The following MBOAT7 variants were observed in gnomAD, a reference collection of about 807,000 sequenced individuals.
The protein encoded by MBOAT7 is membrane bound acylglycerophosphatidylinositol O-acyltransferase MBOAT7.
A neutral mutation model predicts 47.4 loss-of-function variants in MBOAT7; 40 were observed. That is an observed-to-expected ratio of 0.84 (90% CI 0.66 to 1.10). MBOAT7 has a LOEUF of 1.10. Among genes scored for constraint, MBOAT7 ranks in the 50% least tolerant of loss-of-function variants. The probability of loss-of-function intolerance (pLI) is 0.00; values close to 1 mark genes in which losing one functional copy is unlikely to be tolerated. For synonymous variants in MBOAT7, 361 were observed against 292.0 expected, an observed-to-expected ratio of 1.24 and a Z score of -2.41; for missense variants, 680 against 655.6, an observed-to-expected ratio of 1.04 and a Z score of -0.41.
At chr19:54,179,394 TG>T in intron 6 of MBOAT7, 1 of 178,628 alleles carries the variant, frequency 5.6e-6, no homozygotes, top group Non-Finnish European at 1.2e-5. Flanking sequence ...CAGGCGCCAG[TG>T]GGGTCCCCAT....
chr19:54,188,399 C>T (rs745472891), intron 2 of MBOAT7, 34 bp downstream of exon 2: 2 of 1,584,616 alleles, frequency 1.3e-6, no homozygotes, highest in South Asian at 2.3e-5. Context: ...GGTCCCCCCC[C>T]TTTATTTTCC....
At chr19:54,175,236 C>T (rs1015724305) in intron 7 of MBOAT7, among the ~76,000 whole-genome samples, 2 of 152,134 alleles carry the variant, frequency 1.3e-5, no homozygotes, top group Non-Finnish European at 2.9e-5. Context: ...CCTTGGCCTC[C>T]CAAAGTGCTG....
chr19:54,181,383 C>T (rs898602380), intron 5 of MBOAT7, among the ~76,000 whole-genome samples: 2 of 151,842 alleles, frequency 1.3e-5, no homozygotes, highest in Admixed American at 6.6e-5. Context: ...GGGGCCGGTG[C>T]GGTGGCTCAC....
rs779941860 is a variant in MBOAT7, at chr19:54,176,031, AT to A, written c.1032-1601del. 2.0e-5 allele frequency among the ~76,000 whole-genome samples: 3 copies of A among 151,656 alleles called. No individual in the cohort carries two copies. In the East Asian group the frequency reaches 5.8e-4, roughly 29 times the overall value. ...AGCCACTGCACCCAGCCATTTTTGTATTTTTAGTAGAGATGGGGTTTCACCA... is the reference window on the plus strand; with the variant it reads ...AGCCACTGCACCCAGCCATTTTTGTATTTTAGTAGAGATGGGGTTTCACCA... On this transcript the variant is annotated intron_variant, in intron 7 of 7. Transcript: ENST00000245615.
chr19:54,184,669 G>A (rs1017989207), intron 4 of MBOAT7, among the ~76,000 whole-genome samples: 5 of 152,018 alleles, frequency 3.3e-5, no homozygotes, highest in Non-Finnish European at 5.9e-5. Flanking sequence ...TTGGGAGGCC[G>A]AGGCAGGCGG....
chr19:54,177,911 T>G (rs1477957916), intron 7 of MBOAT7, among the ~76,000 whole-genome samples: 4 of 66,008 alleles, frequency 6.1e-5, no homozygotes, highest in African/African-American at 1.3e-4. Context: ...TTTTTTTTTT[T>G]TTTTTTTTTT....
rs1491140764 is a variant in MBOAT7 at position 54,188,015 on chromosome 19, C to CAAAAAGAAAGAA, written c.206+201_206+202insTTCTTTCTTTTT. Among the ~76,000 whole-genome samples, 93 of 78,378 alleles carry CAAAAAGAAAGAA rather than the reference C, an allele frequency of 1.2e-3. 6 individuals carry two copies. Among genetic ancestry groups the CAAAAAGAAAGAA allele is most frequent in the African/African-American group, 3.9e-3 (74 of 18,776 alleles). The allele number at this position is 78,378 out of a possible 152,430, so 51.4% of individuals were successfully genotyped here. A position where few individuals can be genotyped will look rare whatever the true frequency, so the allele number is the denominator to read the frequency against. On this transcript the variant is annotated intron_variant, in intron 3 of 7. Transcript: ENST00000245615. ...GGGCAACAGGAGCGAAACTCCATCT[C>CAAAAAGAAAGAA]AGAAAGAAAGAAAGAAAGAAAGAAA...
At chr19:54,181,566 G>A (rs1170483898) in intron 5 of MBOAT7, among the ~76,000 whole-genome samples, 6 of 125,750 alleles carry the variant, frequency 4.8e-5, no homozygotes, top group Non-Finnish European at 8.3e-5. Context: ...CGGGAGGATC[G>A]TTTGAGCCCA....
rs1331564078 is a variant in MBOAT7 at position 54,183,464 on chromosome 19, G to A, written c.493+57C>T. ...GGCGGGAACACAGAACAGGCACTCA[G>A]GGCGGAAGGGGACACAGGAGACAGA... is the stretch of plus-strand genomic sequence containing the variant. On this transcript the variant is annotated intron_variant, in intron 5 of 7. Transcript: ENST00000245615. 2.5e-6 allele frequency: 4 copies of A among 1,578,286 alleles called. No individual in the cohort carries two copies. The African/African-American group carries it at 4.1e-5, about 16-fold the overall frequency.
At position 54,180,784 on chromosome 19, in the gene MBOAT7, TG is replaced by T. The variant is rs1379567948; in HGVS notation, c.842del (p.Pro281HisfsTer42). 2.2e-6 allele frequency: 3 copies of T among 1,366,914 alleles called. No individual in the cohort carries two copies. Among genetic ancestry groups the T allele is most frequent in the Non-Finnish European group, 2.9e-6 (3 of 1,018,364 alleles). The allele number at this position is 1,366,914 out of a possible 1,614,324, so 84.7% of individuals were successfully genotyped here. Reference protein sequence around the residue: ...RAGGGPTLQCPPPSSPEKAAS... With the variant: ...RAGGGPTLQCXPPSSPEKAAS... The stretch of plus-strand genomic sequence containing the variant: ...TCGCGCCGCCTGACCTGCTGGGGGG[TG>T]GGCATTGGAGGGTGGGGCCGCCTCC... On this transcript the variant is annotated frameshift_variant, in exon 6 of 8. Transcript: ENST00000245615. LOFTEE classifies it high-confidence loss of function. This position sits in a 1 kb window ranked among gnomAD's most constrained non-coding sequence, Gnocchi z 5.2.
Position 54,180,529 on chromosome 19 carries a change from CAG to C in MBOAT7, c.854+242_854+243del, listed in dbSNP as rs556563025. ...CTAAGTTACCACCTTTTCCTAGCGACAGGGGGCAGTTCACCACACTGCGGGGT... is the reference window on the plus strand; with the variant it reads ...CTAAGTTACCACCTTTTCCTAGCGACGGGGCAGTTCACCACACTGCGGGGT... On this transcript the variant is annotated intron_variant, in intron 6 of 7. Coordinates refer to ENST00000245615, the MANE Select transcript of MBOAT7 (RefSeq NM_024298.5). The surrounding 1 kb of genome is among the most constrained non-coding windows in gnomAD (Gnocchi z 5.2). 1,141 of 477,668 alleles carry C rather than the reference CAG, an allele frequency of 2.4e-3. 5 individuals are homozygous for C. The highest frequency in any genetic ancestry group is 0.01 in the African/African-American group (500 of 49,202). The allele number at this position is 477,668 out of a possible 1,614,324, so 29.6% of individuals were successfully genotyped here.
chr19:54,182,208 G>A (rs928417216), intron 5 of MBOAT7, among the ~76,000 whole-genome samples: 10 of 151,806 alleles, frequency 6.6e-5, no homozygotes, highest in East Asian at 3.8e-4. Context: ...CACAAAGGCC[G>A]TATGTTTAGG....
intron 2 of MBOAT7, 41 bp downstream of exon 2, chr19:54,188,392 C>A (rs1376432292): frequency 4.4e-6 from 7 of 1,588,018 alleles, no homozygotes; most frequent in South Asian, 1.1e-5. Flanking sequence ...TCCAGAGGGT[C>A]CCCCCCCTTT....
chr19:54,178,143 C>T (rs572148328), intron 7 of MBOAT7: 259 of 718,846 alleles, frequency 3.6e-4, no homozygotes, highest in Admixed American at 4.4e-4. Flanking sequence ...AACTCCTGAC[C>T]TCATGATCCA....
intron 4 of MBOAT7, among the ~76,000 whole-genome samples, chr19:54,186,629 C>A (rs2076434418): frequency 6.6e-6 from 1 of 152,200 alleles, no homozygotes; most frequent in Non-Finnish European, 1.5e-5. Flanking sequence ...ACAGGGCACA[C>A]TGAATGCTGG....
intron 7 of MBOAT7, among the ~76,000 whole-genome samples, chr19:54,176,249 A>G (rs994803408): frequency 1.3e-5 from 2 of 152,132 alleles, no homozygotes; most frequent in Non-Finnish European, 2.9e-5. Context: ...TTGGCCTCCC[A>G]AAATACTGGA....
At position 54,188,318 on chromosome 19, in the gene MBOAT7, G is replaced by A. The variant is rs1467406001; in HGVS notation, c.105C>T (p.Ala35=). The change falls in exon 3 of 8, where the codon GCC becomes GCT. Residue 35 remains alanine (A), a synonymous_variant. Transcript: ENST00000245615. ...ACAGGGTGAGCCCCAGGCCCACAGCGGCTGCTCCCCATCTCTTCAGCCCAG... is the reference window on the plus strand; with the variant it reads ...ACAGGGTGAGCCCCAGGCCCACAGCAGCTGCTCCCCATCTCTTCAGCCCAG... ...AGPGLKRWGA[A]AVGLGLTLFT... 4 of 1,613,800 alleles carry A rather than the reference G, an allele frequency of 2.5e-6. No individual in the cohort carries two copies. Among genetic ancestry groups the A allele is most frequent in the East Asian group, 4.5e-5 (2 of 44,866 alleles).
intron 7 of MBOAT7, 57 bp downstream of exon 7, chr19:54,178,708 G>C (rs1201739579): frequency 6.3e-7 from 1 of 1,590,756 alleles, no homozygotes; most frequent in Non-Finnish European, 8.6e-7. Flanking sequence ...GCTACCCTGG[G>C]GCCTGCTGGG....
intron 4 of MBOAT7, 113 bp downstream of exon 4, chr19:54,187,048 C>T (rs1378995924): frequency 1.5e-6 from 2 of 1,344,206 alleles, no homozygotes; most frequent in African/African-American, 2.9e-5. Flanking sequence ...GACGTCCCAC[C>T]CCCAGGGTGT....
Sources: gnomAD v4.1 joint callset for allele counts (sites outside exome capture counted in the v4.1 genomes callset) on GRCh38, gnomAD v4.1.1 for gene constraint, Gnocchi (gnomAD v3.1) non-coding constraint, MANE v1.5 for transcripts, NCBI Gene and HGNC (gene_info 2026-07-23, HGNC 2026-07-21) for gene names.